The following PLCD1 variants were observed in gnomAD, a reference collection of about 807,000 sequenced individuals.
The protein encoded by PLCD1 is 1-phosphatidylinositol 4,5-bisphosphate phosphodiesterase delta-1.
Under a neutral mutation model 87.4 loss-of-function variants are expected in PLCD1, and 71 were observed. That is an observed-to-expected ratio of 0.81 (90% CI 0.67 to 0.99). The LOEUF is 0.99. Among genes scored for constraint, PLCD1 ranks in the 50% least tolerant of loss-of-function variants. The pLI is 0.00. For missense variants in PLCD1, 867 were observed against 1,001.5 expected (o/e 0.87, Z 1.81); for synonymous variants, 348 against 399.2 (o/e 0.87, Z 1.53).
intron 3 of PLCD1, among the ~76,000 whole-genome samples, chr3:38,015,655 T>C (rs1294812515): frequency 6.6e-6 from 1 of 152,200 alleles, no homozygotes; most frequent in Non-Finnish European, 1.5e-5. Flanking sequence ...AATCCATACA[T>C]GCCAGAAGCC....
Position 38,016,686 on chromosome 3 carries a change from C to A in PLCD1, c.233G>T (p.Gly78Val). The A allele has an allele frequency of 6.4e-7, 1 of 1,569,462 alleles. No individual in the cohort carries two copies. The highest frequency in any genetic ancestry group is 8.6e-7 in the Non-Finnish European group (1 of 1,156,258). The change falls in exon 3 of 15, where the codon GGG (glycine) becomes GTG (valine). Residue 78 changes from glycine to valine, a missense_variant. Gly to Val is a moderately radical substitution (Grantham distance 109). Transcript: ENST00000334661. ...CTTCTCCAGACCCTCCGTGCGGTGCCCCATTCGCACCTCCTGAATGTCCTC... is the reference window on the plus strand; with the variant it reads ...CTTCTCCAGACCCTCCGTGCGGTGCACCATTCGCACCTCCTGAATGTCCTC... The part of the protein sequence containing the change: ...SIEDIQEVRM[G>V]HRTEGLEKFA...
chr3:38,011,545 C>A lies in PLCD1; in HGVS notation c.557G>T (p.Arg186Met). 6.2e-7 allele frequency: 1 copy of A among 1,614,174 alleles called. No homozygotes were observed. Among genetic ancestry groups the A allele is most frequent in the East Asian group, 2.2e-5 (1 of 44,882 alleles). ...CCCAGCCCCCACTTCCTGCCTCACCCTGAAGATCTTCCGGGCATAGCTGTC... is the reference window on the plus strand; with the variant it reads ...CCCAGCCCCCACTTCCTGCCTCACCATGAAGATCTTCCGGGCATAGCTGTC... ...VDDSYARKIF[R>M]ECDHSQTDSL... The change falls in exon 4 of 15, where the codon AGG (arginine) becomes ATG (methionine). Residue 186 changes from arginine to methionine, a missense_variant and splice_region_variant. Physicochemically the swap from Arg to Met is moderately conservative, Grantham distance 91 (BLOSUM62 -1). Coordinates refer to ENST00000334661, the MANE Select transcript of PLCD1 (RefSeq NM_006225.4).
In PLCD1 at chr3:38,007,730, G is replaced by A. The variant is rs1699982836; in HGVS notation, c.*43C>T. 1 of 1,447,132 alleles carries A rather than the reference G, an allele frequency of 6.9e-7. No homozygotes were observed. Among genetic ancestry groups the A allele is most frequent in the Non-Finnish European group, 9.7e-7 (1 of 1,028,718 alleles). The allele number at this position is 1,447,132 out of a possible 1,614,324, so 89.6% of individuals were successfully genotyped here. ...AGCCCTGTCCCCACATGTGGACAGA[G>A]GGCCCAGCCCACTCAGGGGGGACCC... On this transcript the variant is annotated 3_prime_UTR_variant, in exon 15 of 15. Coordinates refer to ENST00000334661, the MANE Select transcript of PLCD1 (RefSeq NM_006225.4).
intron 1 of PLCD1, among the ~76,000 whole-genome samples, chr3:38,027,556 G>A (rs1158553807): frequency 6.6e-6 from 1 of 152,212 alleles, no homozygotes; most frequent in African/African-American, 2.4e-5. Flanking sequence ...TGCATCTGGG[G>A]TGAGGACAGA....
Position 38,011,464 on chromosome 3 carries a change from C to G in PLCD1, c.559-19G>C. The G allele has an allele frequency of 6.2e-7, 1 of 1,613,642 alleles. No homozygotes were observed. Among genetic ancestry groups the G allele is most frequent in the East Asian group, 2.2e-5 (1 of 44,888 alleles). On this transcript the variant is annotated intron_variant, in intron 4 of 14. Transcript: ENST00000334661. ...CACACTCCTGCAGAGCCAGGACAGCCGAGTGGGCTCAGAGCAGGCCTTGGG... is the reference window on the plus strand; with the variant it reads ...CACACTCCTGCAGAGCCAGGACAGCGGAGTGGGCTCAGAGCAGGCCTTGGG...
rs759212729 is a variant in PLCD1 at position 38,009,166 on chromosome 3, G to C, written c.1607-8C>G. ...GGCGGACAAAGCCGTTTCCTGAGGG[G>C]AGGTGTGGTTCGGTCAGCAGTGGAG... On this transcript the variant is annotated splice_region_variant and splice_polypyrimidine_tract_variant and intron_variant, in intron 10 of 14. Coordinates refer to ENST00000334661, the MANE Select transcript of PLCD1 (RefSeq NM_006225.4). 1.9e-6 allele frequency: 3 copies of C among 1,613,890 alleles called. No homozygotes were observed. Among genetic ancestry groups the C allele is most frequent in the Non-Finnish European group, 2.5e-6 (3 of 1,179,752 alleles).
Position 38,009,440 on chromosome 3 carries a change from C to T in PLCD1, c.1447-9G>A. 3 of 1,614,122 alleles carry T rather than the reference C, an allele frequency of 1.9e-6. No individual in the cohort carries two copies. Among genetic ancestry groups the T allele is most frequent in the South Asian group, 1.1e-5 (1 of 91,074 alleles). ...AGCCTGAGCTTGTCCTCCTGGGGAA[C>T]ACGGGGAGGCCCGGGTTAGATTCAG... On this transcript the variant is annotated splice_polypyrimidine_tract_variant and intron_variant, in intron 9 of 14. Transcript: ENST00000334661.
intron 1 of PLCD1, among the ~76,000 whole-genome samples, chr3:38,027,866 T>C (rs1344844827): frequency 6.6e-6 from 1 of 152,210 alleles, no homozygotes; most frequent in Admixed American, 6.5e-5. Context: ...TTTTGGGTGA[T>C]GAGCTAGAAG....
chr3:38,007,824 C>G lies in PLCD1; in HGVS notation c.2220G>C (p.Gly740=). 1.2e-6 allele frequency: 2 copies of G among 1,614,190 alleles called. No individual in the cohort carries two copies. Among genetic ancestry groups the G allele is most frequent in the Non-Finnish European group, 1.7e-6 (2 of 1,180,016 alleles). Residue 740 remains glycine (G), a synonymous_variant, in exon 15 of 15, where the codon GGG becomes GGC. Transcript: ENST00000334661. ...YRHVHLMSKN[G]DQHPSATLFV... is the part of the protein sequence containing the mutation. ...AGAGGGTGGCTGATGGATGCTGGTC[C>G]CCGTTCTTAGACATGAGGTGGACAT...
Position 38,010,195 on chromosome 3 carries a change from T to C in PLCD1, c.1073A>G (p.Tyr358Cys), listed in dbSNP as rs753289346. 5 of 1,614,112 alleles carry C rather than the reference T, an allele frequency of 3.1e-6. No individual in the cohort carries two copies. Among genetic ancestry groups the C allele is most frequent in the Non-Finnish European group, 4.2e-6 (5 of 1,180,048 alleles). Residue 358 changes from tyrosine to cysteine, a missense_variant, in exon 7 of 15, where the codon TAT (tyrosine) becomes TGT (cysteine). Transcript: ENST00000334661. ...GAAGAGGATCTTGGAAGTGAAAGTA[T>C]AGCCGTGGTAGATGATTGGTTCCTG... ...PNQEPIIYHGYTFTSKILFCD... is the reference protein window; with the variant it reads ...PNQEPIIYHGCTFTSKILFCD...
chr3:38,016,797 A>G, intron 2 of PLCD1, 78 bp from the exon 3 acceptor site: 1 of 1,022,786 alleles, frequency 9.8e-7, no homozygotes, highest in Non-Finnish European at 1.5e-6. Context: ...GGCCAAGGCC[A>G]CAGTAGAGAG....
Position 38,025,985 on chromosome 3 carries a change from CAGAG to C in PLCD1, c.34+3517_34+3520del, listed in dbSNP as rs1371742485. 6.6e-6 allele frequency among the ~76,000 whole-genome samples: 1 copy of C among 152,166 alleles called. No individual in the cohort carries two copies. Among genetic ancestry groups the C allele is most frequent in the African/African-American group, 2.4e-5 (1 of 41,436 alleles). Reference sequence around the variant, plus strand: ...CAGAGTAACTTGCCTAAGGTCATATCAGAGAGAATAAATCATGAGCAAGGTGAGT... The same window carrying C: ...CAGAGTAACTTGCCTAAGGTCATATCAGAATAAATCATGAGCAAGGTGAGT... On this transcript the variant is annotated intron_variant, in intron 1 of 14. Coordinates refer to ENST00000334661, the MANE Select transcript of PLCD1 (RefSeq NM_006225.4). The surrounding 1 kb of genome is among the most constrained non-coding windows in gnomAD (Gnocchi z 4.0).
Position 38,019,832 on chromosome 3 carries a change from C to T in PLCD1, c.199+356G>A, listed in dbSNP as rs541157847. On this transcript the variant is annotated intron_variant, in intron 2 of 14. Transcript: ENST00000334661. ...CTTATCTGCCTGGACCTTGGGCCAC[C>T]GTCCAACTCCCTCCCTGCTTCTGAG... 6.4e-4 allele frequency among the ~76,000 whole-genome samples: 97 copies of T among 152,288 alleles called. 2 individuals carry two copies. Among genetic ancestry groups the T allele is most frequent in the South Asian group, 2.1e-4 (1 of 4,828 alleles).
At chr3:38,027,393 C>A (rs1370805230) in intron 1 of PLCD1, among the ~76,000 whole-genome samples, 1 of 152,100 alleles carries the variant, frequency 6.6e-6, no homozygotes, top group African/African-American at 2.4e-5. Flanking sequence ...TTCGTAGCAA[C>A]CCTATGAGGT....
intron 1 of PLCD1, chr3:38,024,463 A>G (rs1417685930): frequency 1.3e-6 from 2 of 1,598,434 alleles, no homozygotes; most frequent in Non-Finnish European, 1.7e-6. Context: ...GCCTGCGCGG[A>G]GCCGGGTCCG....
chr3:38,024,296 C>T (rs1404612730), intron 1 of PLCD1: 1 of 1,571,824 alleles, frequency 6.4e-7, no homozygotes, highest in Admixed American at 1.7e-5. Flanking sequence ...CAGCTGCCTT[C>T]CCATTCCCCC....
chr3:38,015,236 G>C (rs1160227839), intron 3 of PLCD1, among the ~76,000 whole-genome samples: 1 of 151,436 alleles, frequency 6.6e-6, no homozygotes, highest in African/African-American at 2.5e-5. Context: ...TATCCATACA[G>C]TAGCATATTA....
chr3:38,008,211 G>T (rs1276738735), intron 13 of PLCD1, 24 bp downstream of exon 13: 3 of 1,613,636 alleles, frequency 1.9e-6, no homozygotes, highest in Admixed American at 1.7e-5. Flanking sequence ...AGCCCTAGTA[G>T]CCCAGCCCAG....
Position 38,008,523 on chromosome 3 carries a change from C to T in PLCD1, c.1837G>A (p.Gly613Ser), listed in dbSNP as rs961240295. 1.5e-5 allele frequency: 24 copies of T among 1,614,064 alleles called. No homozygotes were observed. Among genetic ancestry groups the T allele is most frequent in the African/African-American group, 4.0e-5 (3 of 74,932 alleles). The change falls in exon 12 of 15, where the codon GGC (glycine) becomes AGC (serine). Residue 613 changes from glycine (G) to serine (S), a missense_variant. Gly to Ser is a moderately conservative substitution (Grantham distance 56). Coordinates refer to ENST00000334661, the MANE Select transcript of PLCD1 (RefSeq NM_006225.4). ...GCCAGGGCGCGGGGGTTAAAGGTGC[C>T]GTTGGGGTCTCGCAGGAAGGCGGGC... is the stretch of plus-strand genomic sequence containing the variant. Reference protein sequence around the residue: ...LKPAFLRDPNGTFNPRALAQG... With the variant: ...LKPAFLRDPNSTFNPRALAQG...
Sources: gnomAD v4.1 joint callset for allele counts (sites outside exome capture counted in the v4.1 genomes callset) on GRCh38, gnomAD v4.1.1 for gene constraint, Gnocchi (gnomAD v3.1) non-coding constraint, MANE v1.5 for transcripts, NCBI Gene and HGNC (gene_info 2026-07-23, HGNC 2026-07-21) for gene names.